The following CNOT7 variants were observed in gnomAD, a reference collection of about 807,000 sequenced individuals.
CNOT7 encodes the protein BTG1-binding factor 1.
CNOT7 carries 4 observed loss-of-function variants against 37.1 expected under a neutral mutation model. That is an observed-to-expected ratio of 0.11 (90% CI 0.05 to 0.25). CNOT7 has a LOEUF of 0.25. Ranked by LOEUF, CNOT7 falls within the 10% of genes least tolerant of loss-of-function variation. The probability of loss-of-function intolerance (pLI) is 1.00; values close to 1 mark genes in which losing one functional copy is unlikely to be tolerated. For synonymous variants in CNOT7, 128 were observed against 115.6 expected (o/e 1.11, Z -0.69); for missense variants, 170 against 336.2 (o/e 0.51, Z 3.87).
chr8:17,240,649 CT>C (rs1303938591), intron 3 of CNOT7, among the ~76,000 whole-genome samples: 1 of 152,148 alleles, frequency 6.6e-6, no homozygotes, highest in African/African-American at 2.4e-5. Context: ...TTCTCACGTA[CT>C]GAGATCACAA....
chr8:17,225,132 A>G lies in CNOT7; in HGVS notation c.*5588T>C, dbSNP rs1406521559. 6.6e-6 allele frequency: 1 copy of G among 151,768 alleles called. No homozygotes were observed. Among genetic ancestry groups the G allele is most frequent in the African/African-American group, 2.4e-5 (1 of 41,426 alleles). The allele number at this position is 151,768 out of a possible 1,614,324, so 9.4% of individuals were successfully genotyped here. A position where few individuals can be genotyped will look rare whatever the true frequency, so the allele number is the denominator to read the frequency against. On this transcript the variant is annotated 3_prime_UTR_variant, in exon 7 of 7. Transcript: ENST00000361272. The stretch of plus-strand genomic sequence containing the variant: ...ACCTATGACATGGCTAGTAAGATGT[A>G]AAATATTAAGTCCCCTTGGGGTCTT...
chr8:17,228,007 C>CATT lies in CNOT7; in HGVS notation c.*2710_*2712dup, dbSNP rs1808270258. 1.3e-5 allele frequency: 2 copies of CATT among 151,996 alleles called. No homozygotes were observed. Among genetic ancestry groups the CATT allele is most frequent in the African/African-American group, 4.8e-5 (2 of 41,544 alleles). The allele number at this position is 151,996 out of a possible 1,614,324, so 9.4% of individuals were successfully genotyped here. A position where few individuals can be genotyped will look rare whatever the true frequency, so the allele number is the denominator to read the frequency against. ...TTCTGTAGCAGCTACTCAACTTTCC[C>CATT]ATTATAGCAAAAAAGTATCCATAGA... On this transcript the variant is annotated 3_prime_UTR_variant, in exon 7 of 7. Transcript: ENST00000361272.
intron 3 of CNOT7, chr8:17,242,064 A>G (rs553332403): frequency 1.3e-5 from 2 of 152,280 alleles, no homozygotes; most frequent in East Asian, 3.9e-4. Context: ...ACTCACTCAC[A>G]CTGGGACAAC....
At chr8:17,241,406 GGA>G (rs1810145391) in intron 3 of CNOT7, 1 of 151,580 alleles carries the variant, frequency 6.6e-6, no homozygotes, top group South Asian at 2.1e-4. Context: ...AGAGTGAAAT[GGA>G]GAGTCAGGCT....
rs1162090254 is a variant in CNOT7 at position 17,229,921 on chromosome 8, T to C, written c.*799A>G. On this transcript the variant is annotated 3_prime_UTR_variant, in exon 7 of 7. Transcript: ENST00000361272. The stretch of plus-strand genomic sequence containing the variant: ...GTGCTATCATAAAATAACTGTAGCT[T>C]CAACATCTTGAGTACCAGTTTCCTG... The C allele has an allele frequency of 2.0e-5, 3 of 152,048 alleles. No individual in the cohort carries two copies. Among genetic ancestry groups the C allele is most frequent in the Admixed American group, 1.3e-4 (2 of 15,212 alleles). 9.4% of individuals were successfully genotyped at this position (152,048 alleles called of 1,614,324 possible). A position where few individuals can be genotyped will look rare whatever the true frequency, so the allele number is the denominator to read the frequency against.
Position 17,227,160 on chromosome 8 carries a change from TAC to T in CNOT7, c.*3558_*3559del, listed in dbSNP as rs1243665269. On this transcript the variant is annotated 3_prime_UTR_variant, in exon 7 of 7. Coordinates refer to ENST00000361272, the MANE Select transcript of CNOT7 (RefSeq NM_013354.7). ...GAGTAACTACAGGCTTTAAACAACTTACGTTTTCACAAGCCTTAAAATTTGAC... is the reference window on the plus strand; with the variant it reads ...GAGTAACTACAGGCTTTAAACAACTTGTTTTCACAAGCCTTAAAATTTGAC... 1 of 151,880 alleles carries T rather than the reference TAC, an allele frequency of 6.6e-6. No individual in the cohort carries two copies. The highest frequency in any genetic ancestry group is 1.9e-4 in the East Asian group (1 of 5,198). 9.4% of individuals were successfully genotyped at this position (151,880 alleles called of 1,614,324 possible). A position where few individuals can be genotyped will look rare whatever the true frequency, so the allele number is the denominator to read the frequency against.
chr8:17,234,690 G>A (rs1378395165), intron 5 of CNOT7, 26 bp downstream of exon 5: 1 of 1,612,576 alleles, frequency 6.2e-7, no homozygotes, highest in Non-Finnish European at 8.5e-7. Flanking sequence ...GTGTGCTGCT[G>A]TAGATAATGC....
At chr8:17,231,950 C>T (rs150112665) in intron 6 of CNOT7, 17,310 of 987,680 alleles carry the variant, frequency 0.018, 184 homozygotes, top group Middle Eastern at 0.026. Context: ...TCTATAAAAT[C>T]TTCAAAGCAC....
rs1295158410 is a variant in CNOT7 at position 17,227,548 on chromosome 8, T to TC, written c.*3171dup. Reference sequence around the variant, plus strand: ...GTAATTCAGCATTAGTAAATGGTTTTCTTTGCTTGGCTAACAAATAGGCTA... The same window carrying TC: ...GTAATTCAGCATTAGTAAATGGTTTTCCTTTGCTTGGCTAACAAATAGGCTA... On this transcript the variant is annotated 3_prime_UTR_variant, in exon 7 of 7. Coordinates refer to ENST00000361272, the MANE Select transcript of CNOT7 (RefSeq NM_013354.7). 6.6e-6 allele frequency: 1 copy of TC among 151,940 alleles called. No individual in the cohort carries two copies. The highest frequency in any genetic ancestry group is 2.4e-5 in the African/African-American group (1 of 41,424). 9.4% of individuals were successfully genotyped at this position (151,940 alleles called of 1,614,324 possible). A position where few individuals can be genotyped will look rare whatever the true frequency, so the allele number is the denominator to read the frequency against.
intron 4 of CNOT7, among the ~76,000 whole-genome samples, chr8:17,235,199 A>G (rs972731475): frequency 1.2e-4 from 18 of 152,322 alleles, no homozygotes; most frequent in Admixed American, 6.5e-4. Flanking sequence ...GTCTCAAAAT[A>G]TTTTTTAAAG....
rs1174278895 is a variant in CNOT7 at position 17,229,374 on chromosome 8, A to C, written c.*1346T>G. ...GAATAAAGAATGTACAAGGGAGACA[A>C]ACCAATGTGACTAACATTTGGAGAT... On this transcript the variant is annotated 3_prime_UTR_variant, in exon 7 of 7. Coordinates refer to ENST00000361272, the MANE Select transcript of CNOT7 (RefSeq NM_013354.7). The C allele has an allele frequency of 3.3e-5, 5 of 152,356 alleles. No individual in the cohort carries two copies. Among genetic ancestry groups the C allele is most frequent in the African/African-American group, 4.8e-5 (2 of 41,444 alleles). 9.4% of individuals were successfully genotyped at this position (152,356 alleles called of 1,614,324 possible). A position where few individuals can be genotyped will look rare whatever the true frequency, so the allele number is the denominator to read the frequency against.
At chr8:17,241,275 A>ATTTTTTTTTTTT (rs376615996) in intron 3 of CNOT7, 1 of 130,746 alleles carries the variant, frequency 7.6e-6, no homozygotes, top group Non-Finnish European at 1.6e-5. Context: ...GCTTAGTTTC[A>ATTTTTTTTTTTT]TTTTTTTTTT....
chr8:17,238,023 G>T (rs1809616938), intron 3 of CNOT7, among the ~76,000 whole-genome samples: 1 of 152,080 alleles, frequency 6.6e-6, no homozygotes, highest in Non-Finnish European at 1.5e-5. Flanking sequence ...AATCAAGCCA[G>T]GAAATCTAAA....
Position 17,243,039 on chromosome 8 carries a change from G to T in CNOT7, c.264C>A (p.Tyr88Ter). 6.2e-7 allele frequency: 1 copy of T among 1,606,568 alleles called. No homozygotes were observed. Among genetic ancestry groups the T allele is most frequent in the Non-Finnish European group, 8.5e-7 (1 of 1,177,346 alleles). ...GLTFMNEQGE[Y>*]PPGTSTWQFN... ...ACTGCCAAGTTGAAGTTCCTGGAGG[G>T]TATTCTCCTTGCTCATTCATAAATG... is the stretch of plus-strand genomic sequence containing the variant. Residue 88 changes from tyrosine to a stop codon, truncating the protein, a stop_gained, in exon 3 of 7, where the codon TAC (tyrosine) becomes TAA (stop). Transcript: ENST00000361272. LOFTEE classifies it high-confidence loss of function.
chr8:17,239,333 C>A (rs1418475886), intron 3 of CNOT7, among the ~76,000 whole-genome samples: 1 of 152,156 alleles, frequency 6.6e-6, no homozygotes, highest in Admixed American at 6.6e-5. Context: ...GCTGGGATTA[C>A]AGGAATGGGC....
intron 6 of CNOT7, chr8:17,231,667 T>G (rs1585776679): frequency 2.0e-6 from 2 of 985,406 alleles, no homozygotes; most frequent in Non-Finnish European, 2.4e-6. Context: ...AAAACCTCAC[T>G]TGTTTTTTGC....
intron 4 of CNOT7, 85 bp from the exon 5 acceptor site, chr8:17,234,945 A>C: frequency 8.1e-7 from 1 of 1,238,746 alleles, no homozygotes; most frequent in East Asian, 2.5e-5. Flanking sequence ...TTCAAATTTA[A>C]GCAAGTCACA....
intron 6 of CNOT7, chr8:17,232,075 G>C (rs1808712399): frequency 1.9e-6 from 2 of 1,026,126 alleles, no homozygotes; most frequent in South Asian, 6.2e-5. Flanking sequence ...GCACCAATGG[G>C]AGTCAGAAAA....
rs1808330234 is a variant in CNOT7 at position 17,228,885 on chromosome 8, CAAAA to C, written c.*1831_*1834del. 6.6e-6 allele frequency: 1 copy of C among 151,822 alleles called. No homozygotes were observed. Among genetic ancestry groups the C allele is most frequent in the Admixed American group, 6.6e-5 (1 of 15,230 alleles). The allele number at this position is 151,822 out of a possible 1,614,324, so 9.4% of individuals were successfully genotyped here. On this transcript the variant is annotated 3_prime_UTR_variant, in exon 7 of 7. Transcript: ENST00000361272. ...AGCTTCACTTCCTTTTTAACGAAGA[CAAAA>C]GAAGCCAGTTAGAAACTTACTACAT...
Sources: allele counts gnomAD v4.1 joint callset (sites outside exome capture counted in the v4.1 genomes callset), GRCh38; gene constraint gnomAD v4.1.1; transcripts MANE v1.5; gene names NCBI Gene and HGNC (gene_info 2026-07-23, HGNC 2026-07-21).